Variants in PTPRN2 observed in about 807,000 individuals in gnomAD.
PTPRN2 encodes protein tyrosine phosphatase receptor type N2, also known as receptor-type tyrosine-protein phosphatase N2.
PTPRN2 carries 74 observed loss-of-function variants against 118.8 expected under a neutral mutation model. The observed-to-expected ratio is 0.62, with a 90% CI of 0.52 to 0.76. The LOEUF (loss-of-function observed/expected upper bound fraction) is 0.76, where lower values mean the gene tolerates loss of function less well. Among genes scored for constraint, PTPRN2 ranks in the 30% least tolerant of loss-of-function variants. The pLI is 0.00. For missense variants in PTPRN2, 1,481 were observed against 1,394.4 expected (o/e 1.06, Z -0.99); for synonymous variants, 641 against 608.0 (o/e 1.05, Z -0.80).
At chr7:158,018,647 A>G (rs894194159) in intron 11 of PTPRN2, among the ~76,000 whole-genome samples, 5 of 152,134 alleles carry the variant, frequency 3.3e-5, no homozygotes, top group Non-Finnish European at 7.4e-5. Flanking sequence ...CCAAACGTTC[A>G]GTTTGTTTCT....
intron 12 of PTPRN2, among the ~76,000 whole-genome samples, chr7:157,714,300 ACTGCGCAT>A (rs1798795728): frequency 6.6e-6 from 1 of 152,210 alleles, no homozygotes; most frequent in Non-Finnish European, 1.5e-5. Flanking sequence ...AGTCCGTTAA[ACTGCGCAT>A]CTTTGATGAG....
rs1796595057 is a variant in PTPRN2 at position 157,674,970 on chromosome 7, C to T, written c.2001+7755G>A. Among the ~76,000 whole-genome samples the T allele has an allele frequency of 6.6e-6, 1 of 152,190 alleles. No homozygotes were observed. Among genetic ancestry groups the T allele is most frequent in the Admixed American group, 6.5e-5 (1 of 15,288 alleles). On this transcript the variant is annotated intron_variant, in intron 13 of 22. Transcript: ENST00000389418. This position sits in a 1 kb window ranked among gnomAD's most constrained non-coding sequence, Gnocchi z 4.5. ...AGGGGAGCCGGGAGAGCAGAGGCTA[C>T]AGGCAGGGAGTGGGGAGACCCAGCC...
chr7:158,558,405 C>T lies in PTPRN2; in HGVS notation c.112+29153G>A, dbSNP rs538876063. Among the ~76,000 whole-genome samples the T allele has an allele frequency of 2.0e-5, 3 of 152,264 alleles. No homozygotes were observed. The East Asian group carries it at 5.8e-4, about 29-fold the overall frequency. On this transcript the variant is annotated intron_variant, in intron 1 of 22. Coordinates refer to ENST00000389418, the MANE Select transcript of PTPRN2 (RefSeq NM_002847.5). Reference sequence around the variant, plus strand: ...TATGGCCATGTTCTCTTCTTTAGATCCTGAGGCCGCAGGGTGCAGCTTTCC... The same window carrying T: ...TATGGCCATGTTCTCTTCTTTAGATTCTGAGGCCGCAGGGTGCAGCTTTCC...
chr7:158,084,604 C>T (rs755296758), intron 10 of PTPRN2, among the ~76,000 whole-genome samples: 5 of 151,922 alleles, frequency 3.3e-5, no homozygotes, highest in African/African-American at 4.8e-5. Context: ...TTACAGCTCT[C>T]GGGGAGAAAA....
At chr7:157,992,048 G>A (rs1318232184) in intron 11 of PTPRN2, among the ~76,000 whole-genome samples, 21 of 152,212 alleles carry the variant, frequency 1.4e-4, no homozygotes, top group South Asian at 2.1e-4. Flanking sequence ...GCCGGGACTC[G>A]GCCCACAGCC....
Position 158,136,669 on chromosome 7 carries a change from T to C in PTPRN2, c.1159A>G (p.Arg387Gly), listed in dbSNP as rs1437691089. 6.2e-7 allele frequency: 1 copy of C among 1,613,748 alleles called. No individual in the cohort carries two copies. The highest frequency in any genetic ancestry group is 1.3e-5 in the African/African-American group (1 of 74,918). The change falls in exon 8 of 23, where the codon AGA becomes GGA. Residue 387 changes from arginine (R) to glycine (G), a missense_variant. By Grantham distance (125) the Arg-to-Gly change is moderately radical. Around this residue, in one of 3 missense-constraint regions of PTPRN2, gnomAD observed 1,115 missense variants for 994.2 expected, o/e 1.12. Transcript: ENST00000389418. Reference sequence around the variant, plus strand: ...CGTCATCTTACCTCTTGGTAAAGTCTATCATCGTCGTCCTGCACTCCGTCA... The same window carrying C: ...CGTCATCTTACCTCTTGGTAAAGTCCATCATCGTCGTCCTGCACTCCGTCA... Reference protein sequence around the residue: ...PDDGVQDDDDRLYQEVHRLSA... With the variant: ...PDDGVQDDDDGLYQEVHRLSA...
chr7:158,327,416 T>C (rs1399106375), intron 2 of PTPRN2, among the ~76,000 whole-genome samples: 1 of 150,410 alleles, frequency 6.6e-6, no homozygotes, highest in Non-Finnish European at 1.5e-5. Context: ...CTCACACATG[T>C]ACACGTTCTC....
intron 2 of PTPRN2, among the ~76,000 whole-genome samples, chr7:158,319,949 T>C (rs1315868996): frequency 2.6e-5 from 1 of 38,294 alleles, no homozygotes; most frequent in Non-Finnish European, 5.2e-5. Context: ...ACACACAGCC[T>C]CCCTCACACA....
chr7:158,487,128 T>C (rs1281241154), intron 2 of PTPRN2, among the ~76,000 whole-genome samples: 2 of 152,236 alleles, frequency 1.3e-5, no homozygotes, highest in East Asian at 3.9e-4. Context: ...CAAGGCTGCG[T>C]ACTATTCCAT....
At chr7:158,303,891 T>C (rs1238732329) in intron 3 of PTPRN2, among the ~76,000 whole-genome samples, 1 of 152,252 alleles carries the variant, frequency 6.6e-6, no homozygotes, top group Non-Finnish European at 1.5e-5. Flanking sequence ...TGAAGAAATG[T>C]ATTCTGAGCC....
At chr7:158,437,684 T>C (rs1469538421) in intron 2 of PTPRN2, among the ~76,000 whole-genome samples, 1 of 152,212 alleles carries the variant, frequency 6.6e-6, no homozygotes, top group African/African-American at 2.4e-5. Context: ...ATGGCCCCTC[T>C]TTCTTAGAAG....
In PTPRN2 at chr7:157,669,972, C is replaced by T. The variant is rs993263293; in HGVS notation, c.2001+12753G>A. Among the ~76,000 whole-genome samples the T allele has an allele frequency of 4.6e-5, 7 of 152,302 alleles. No homozygotes were observed. In the South Asian group the frequency reaches 6.2e-4, roughly 14 times the overall value. Reference sequence around the variant, plus strand: ...CTGCTTTCTGTACCCACAGCATCTACGTGGTGCAGAGGGGCCCTCGCTGAG... The same window carrying T: ...CTGCTTTCTGTACCCACAGCATCTATGTGGTGCAGAGGGGCCCTCGCTGAG... On this transcript the variant is annotated intron_variant, in intron 13 of 22. Coordinates refer to ENST00000389418, the MANE Select transcript of PTPRN2 (RefSeq NM_002847.5).
At chr7:157,653,355 G>A (rs530874616) in intron 14 of PTPRN2, among the ~76,000 whole-genome samples, 4 of 152,304 alleles carry the variant, frequency 2.6e-5, no homozygotes, top group Non-Finnish European at 4.4e-5. Context: ...GGTGTCTGGC[G>A]GAAACGAGGC....
At chr7:158,244,538 G>T (rs957689362) in intron 3 of PTPRN2, among the ~76,000 whole-genome samples, 4 of 95,590 alleles carry the variant, frequency 4.2e-5, no homozygotes, top group African/African-American at 1.9e-4. Context: ...GTGTGTGAAT[G>T]AGCATGTTTT....
At position 157,618,380 on chromosome 7, in the gene PTPRN2, A is replaced by T. The variant is rs1802929710; in HGVS notation, c.2344+2982T>A. 6.6e-6 allele frequency: 1 copy of T among 152,302 alleles called. No homozygotes were observed. The highest frequency in any genetic ancestry group is 1.5e-5 in the Non-Finnish European group (1 of 68,072). The allele number at this position is 152,302 out of a possible 1,614,324, so 9.4% of individuals were successfully genotyped here. A position where few individuals can be genotyped will look rare whatever the true frequency, so the allele number is the denominator to read the frequency against. On this transcript the variant is annotated intron_variant, in intron 15 of 22. Coordinates refer to ENST00000389418, the MANE Select transcript of PTPRN2 (RefSeq NM_002847.5). The surrounding 1 kb of genome is among the most constrained non-coding windows in gnomAD (Gnocchi z 4.2). ...AGTACTCATGCTTCCAACCCTGCAC[A>T]GAGGATAGTGCATGCCCAGCATGCA...
intron 1 of PTPRN2, among the ~76,000 whole-genome samples, chr7:158,584,119 C>T (rs1293908078): frequency 1.3e-5 from 2 of 152,186 alleles, no homozygotes; most frequent in Non-Finnish European, 2.9e-5. Flanking sequence ...CAGCCAGGTG[C>T]ACCCACTGGT....
intron 3 of PTPRN2, among the ~76,000 whole-genome samples, chr7:158,226,087 T>C (rs1235542434): frequency 6.6e-6 from 1 of 152,212 alleles, no homozygotes; most frequent in Non-Finnish European, 1.5e-5. Context: ...TAAAGATACA[T>C]AGCAGTTTCT....
At chr7:157,733,206 C>T (rs865983785) in intron 12 of PTPRN2, among the ~76,000 whole-genome samples, 18 of 17,276 alleles carry the variant, frequency 1.0e-3, no homozygotes, top group Admixed American at 2.3e-3. Flanking sequence ...GCACAGTTAC[C>T]CTTTCCCGTC....
chr7:158,165,275 G>C (rs1456592217), intron 6 of PTPRN2, among the ~76,000 whole-genome samples: 3 of 152,162 alleles, frequency 2.0e-5, no homozygotes, highest in African/African-American at 4.8e-5. Flanking sequence ...TCTCGGAGTA[G>C]AGCATGGCTT....
Sources: allele counts gnomAD v4.1 joint callset (sites outside exome capture counted in the v4.1 genomes callset), GRCh38; gene constraint gnomAD v4.1.1; regional missense constraint gnomAD v4.1.1; non-coding constraint Gnocchi (gnomAD v3.1); transcripts MANE v1.5; gene names NCBI Gene and HGNC (gene_info 2026-07-23, HGNC 2026-07-21).